Variants in STK32B observed in about 807,000 individuals in gnomAD.
STK32B encodes the protein serine/threonine kinase 32B, also known as serine/threonine-protein kinase 32B.
A neutral mutation model predicts 52.6 loss-of-function variants in STK32B; 43 were observed. That is an observed-to-expected ratio of 0.82 (90% CI 0.64 to 1.05). The LOEUF (loss-of-function observed/expected upper bound fraction) is 1.05. Among genes scored for constraint, STK32B ranks in the 50% least tolerant of loss-of-function variants. The pLI, the probability that STK32B is intolerant of heterozygous loss-of-function variation, is 0.00. For missense variants in STK32B, 621 were observed against 534.6 expected (o/e 1.16, Z -1.59); for synonymous variants, 238 against 204.3 (o/e 1.17, Z -1.41).
In STK32B at chr4:5,460,277, C is replaced by T. The variant is rs776838170; in HGVS notation, c.909+49C>T. On this transcript the variant is annotated intron_variant, in intron 9 of 11. Transcript: ENST00000282908. The surrounding 1 kb of genome is among the most constrained non-coding windows in gnomAD (Gnocchi z 4.8). ...TCATGCCACCCCTCTGCAGGGTCCC[C>T]GCCTTGGTGCAAAGCAAGACTTTGG... The T allele has an allele frequency of 1.7e-5, 26 of 1,566,554 alleles. No homozygotes were observed. The highest frequency in any genetic ancestry group is 6.8e-5 in the African/African-American group (5 of 73,796).
At chr4:5,478,432 C>T (rs1313172674) in intron 11 of STK32B, among the ~76,000 whole-genome samples, 1 of 152,272 alleles carries the variant, frequency 6.6e-6, no homozygotes, top group South Asian at 2.1e-4. Flanking sequence ...ATGTGTGTTG[C>T]TTCAGGCAAC....
intron 1 of STK32B, among the ~76,000 whole-genome samples, chr4:5,110,972 G>GA (rs112996629): frequency 0.047 from 6,818 of 144,948 alleles, 329 homozygotes; most frequent in East Asian, 0.23. Flanking sequence ...ATACATTTTT[G>GA]AAAAAAAAAA....
At chr4:5,161,938 T>G (rs1473915449) in intron 2 of STK32B, among the ~76,000 whole-genome samples, 2 of 151,692 alleles carry the variant, frequency 1.3e-5, no homozygotes, top group African/African-American at 4.8e-5. Context: ...CATTCAACAG[T>G]ATTTACTGAG....
intron 4 of STK32B, among the ~76,000 whole-genome samples, chr4:5,367,674 A>G (rs1480399712): frequency 6.6e-6 from 1 of 152,308 alleles, no homozygotes; most frequent in Non-Finnish European, 1.5e-5. Context: ...GAATGTGCGC[A>G]TGGCCAGTTT....
intron 3 of STK32B, among the ~76,000 whole-genome samples, chr4:5,232,490 C>G (rs1332139516): frequency 6.6e-6 from 1 of 152,164 alleles, no homozygotes; most frequent in East Asian, 1.9e-4. Flanking sequence ...AAAAATACAT[C>G]TTTATTTTCA....
rs367859902 is a variant in STK32B, at chr4:5,273,958, A to T, written c.261-57262A>T. Reference sequence around the variant, plus strand: ...TATACATATGTAACTAACCTGCACAATGTGCACATGTACCCTAAAACTTAA... The same window carrying T: ...TATACATATGTAACTAACCTGCACATTGTGCACATGTACCCTAAAACTTAA... On this transcript the variant is annotated intron_variant, in intron 3 of 11. Transcript: ENST00000282908. Among the ~76,000 whole-genome samples, 111 of 151,802 alleles carry T rather than the reference A, an allele frequency of 7.3e-4. 2 individuals are homozygous for T. In the East Asian group the frequency reaches 0.016, roughly 22 times the overall value.
chr4:5,384,661 C>A lies in STK32B; in HGVS notation c.435-13546C>A, dbSNP rs79874095. On this transcript the variant is annotated intron_variant, in intron 4 of 11. Transcript: ENST00000282908. ...CCGCCAGGTGAACAGTCAAGGGAGT[C>A]GAGGATGTGGGAAGGCGTGACTTCA... is the stretch of plus-strand genomic sequence containing the variant. Among the ~76,000 whole-genome samples, 1,095 of 152,088 alleles carry A rather than the reference C, an allele frequency of 7.2e-3. 16 individuals are homozygous for A. Among genetic ancestry groups the A allele is most frequent in the African/African-American group, 0.024 (999 of 41,460 alleles).
At chr4:5,311,348 C>T (rs6815269) in intron 3 of STK32B, among the ~76,000 whole-genome samples, 12,633 of 151,972 alleles carry the variant, frequency 0.083, 849 homozygotes, top group African/African-American at 0.18. Context: ...CTCGTAAATA[C>T]GTACAATTAC....
chr4:5,255,636 C>T (rs181675137), intron 3 of STK32B, among the ~76,000 whole-genome samples: 4 of 152,084 alleles, frequency 2.6e-5, no homozygotes, highest in Admixed American at 2.0e-4. Flanking sequence ...AAGCCATCTG[C>T]GTAACCTCTT....
At chr4:5,322,492 G>C (rs1210054362) in intron 3 of STK32B, among the ~76,000 whole-genome samples, 1 of 152,194 alleles carries the variant, frequency 6.6e-6, no homozygotes, top group African/African-American at 2.4e-5. Flanking sequence ...AAACACAGGA[G>C]ATGAGTGTTG....
rs185732468 is a variant in STK32B at position 5,372,807 on chromosome 4, T to G, written c.435-25400T>G. Among the ~76,000 whole-genome samples the G allele has an allele frequency of 3.9e-5, 6 of 152,214 alleles. No homozygotes were observed. The East Asian group carries it at 1.2e-3, about 30-fold the overall frequency. ...TATTTCTTTCTTGAATTCAGATTGA[T>G]TTTTGCAAGGGATTTTATGCTATGG... On this transcript the variant is annotated intron_variant, in intron 4 of 11. Transcript: ENST00000282908.
the STK32B span, among the ~76,000 whole-genome samples, chr4:5,031,252 G>C: frequency 3.3e-4 from 51 of 152,270 alleles, no homozygotes; most frequent in African/African-American, 1.1e-3. Context: ...AATGCTTGAC[G>C]AAATACCTGA....
intron 4 of STK32B, among the ~76,000 whole-genome samples, chr4:5,346,414 G>A (rs764898780): frequency 1.3e-5 from 2 of 152,192 alleles, no homozygotes; most frequent in Non-Finnish European, 2.9e-5. Flanking sequence ...CCAAGTCTGG[G>A]TTCCTTCTGA....
chr4:5,140,285 A>G lies in STK32B; in HGVS notation c.108+325A>G, dbSNP rs530465640. On this transcript the variant is annotated intron_variant, in intron 2 of 11. Transcript: ENST00000282908. ...CATCACAAAGGCAGCTCTTTCCAGC[A>G]ACATAGACGTTTGTTGTTTTGGTAA... 3,001 of 1,355,294 alleles carry G rather than the reference A, an allele frequency of 2.2e-3. 51 individuals are homozygous for G. The South Asian group carries it at 0.024, about 11-fold the overall frequency. 84.0% of individuals were successfully genotyped at this position (1,355,294 alleles called of 1,614,324 possible).
At chr4:5,423,128 A>G (rs781403062) in intron 6 of STK32B, among the ~76,000 whole-genome samples, 52 of 152,222 alleles carry the variant, frequency 3.4e-4, no homozygotes, top group Middle Eastern at 6.8e-3. Context: ...GACCACTATG[A>G]TCAGACTCAT....
intron 1 of STK32B, among the ~76,000 whole-genome samples, chr4:5,075,034 G>A (rs1359902559): frequency 6.6e-6 from 1 of 152,126 alleles, no homozygotes; most frequent in African/African-American, 2.4e-5. Context: ...GGGCTCCTTG[G>A]AGTTTCACCC....
At chr4:5,421,058 C>T (rs951805552) in intron 6 of STK32B, among the ~76,000 whole-genome samples, 1 of 149,330 alleles carries the variant, frequency 6.7e-6, no homozygotes, top group African/African-American at 2.5e-5. Context: ...TGCCACCATG[C>T]CTGGCTAATT....
chr4:5,478,853 G>A (rs1407115487), intron 11 of STK32B, among the ~76,000 whole-genome samples: 3 of 152,166 alleles, frequency 2.0e-5, no homozygotes, highest in Non-Finnish European at 4.4e-5. Context: ...CGGCAGTGCA[G>A]GGAGGAAGCT....
rs1731049217 is a variant in STK32B at position 5,317,194 on chromosome 4, T to TATATTATATATATAAC, written c.261-14022_261-14021insTATATATATAACATAT. 1.3e-4 allele frequency among the ~76,000 whole-genome samples: 7 copies of TATATTATATATATAAC among 53,420 alleles called. 3 individuals carry two copies. Among genetic ancestry groups the TATATTATATATATAAC allele is most frequent in the African/African-American group, 1.1e-3 (7 of 6,452 alleles). 35.0% of individuals were successfully genotyped at this position (53,420 alleles called of 152,430 possible). A position where few individuals can be genotyped will look rare whatever the true frequency, so the allele number is the denominator to read the frequency against. The stretch of plus-strand genomic sequence containing the variant: ...TAACATATAATATATATATATAACA[T>TATATTATATATATAAC]ATATATATTATATATATAACATATA... On this transcript the variant is annotated intron_variant, in intron 3 of 11. Coordinates refer to ENST00000282908, the MANE Select transcript of STK32B (RefSeq NM_018401.3).
Sources: allele counts gnomAD v4.1 joint callset (sites outside exome capture counted in the v4.1 genomes callset), GRCh38; gene constraint gnomAD v4.1.1; non-coding constraint Gnocchi (gnomAD v3.1); transcripts MANE v1.5; gene names NCBI Gene and HGNC (gene_info 2026-07-23, HGNC 2026-07-21).